NR1H4: variants seen among roughly 807,000 people sequenced by gnomAD.
NR1H4 encodes the protein nuclear receptor subfamily 1 group H member 4, also known as bile acid receptor.
NR1H4 carries 23 observed loss-of-function variants against 58.5 expected under a neutral mutation model. The observed-to-expected ratio is 0.39, with a 90% CI of 0.28 to 0.56. The LOEUF (loss-of-function observed/expected upper bound fraction) is 0.56. Ranked by LOEUF, NR1H4 falls within the 20% of genes least tolerant of loss-of-function variation. NR1H4 has a pLI of 0.58. For synonymous variants in NR1H4, 214 were observed against 198.0 expected, an observed-to-expected ratio of 1.08 and a Z score of -0.68; for missense variants, 487 against 576.9, an observed-to-expected ratio of 0.84 and a Z score of 1.60.
At chr12:100,531,766 A>G (rs1954699089) in intron 4 of NR1H4, among the ~76,000 whole-genome samples, 1 of 151,474 alleles carries the variant, frequency 6.6e-6, no homozygotes, top group South Asian at 2.1e-4. Flanking sequence ...CACTCTAGGC[A>G]TCTTACCTGT....
chr12:100,562,127 C>G (rs1431680635), intron 10 of NR1H4, 129 bp downstream of exon 10: 2 of 621,652 alleles, frequency 3.2e-6, no homozygotes, highest in East Asian at 2.8e-5. Flanking sequence ...ATTCTGCTAT[C>G]CAAATAGAAC....
intron 4 of NR1H4, among the ~76,000 whole-genome samples, chr12:100,521,745 C>G (rs1284568941): frequency 1.3e-5 from 2 of 152,094 alleles, no homozygotes; most frequent in East Asian, 1.9e-4. Flanking sequence ...CCAAAGGATC[C>G]TTTGTTTATG....
intron 1 of NR1H4, among the ~76,000 whole-genome samples, chr12:100,475,166 T>G (rs1180795236): frequency 1.3e-5 from 2 of 152,086 alleles, no homozygotes; most frequent in Non-Finnish European, 2.9e-5. Flanking sequence ...TCTAAATTTT[T>G]TTTTCTGTTC....
intron 9 of NR1H4, among the ~76,000 whole-genome samples, chr12:100,547,285 T>C (rs978796189): frequency 6.6e-6 from 1 of 152,072 alleles, no homozygotes; most frequent in African/African-American, 2.4e-5. Flanking sequence ...ACAGAGATTG[T>C]CACAAGAAAC....
intron 9 of NR1H4, among the ~76,000 whole-genome samples, chr12:100,549,066 C>T (rs1380344220): frequency 6.6e-6 from 1 of 152,104 alleles, no homozygotes; most frequent in Non-Finnish European, 1.5e-5. Context: ...AGGCCGGGCA[C>T]AGTGGCTCAC....
rs577961936 is a variant in NR1H4, at chr12:100,481,101, C to T, written c.-190+7042C>T. 2.6e-5 allele frequency among the ~76,000 whole-genome samples: 4 copies of T among 152,272 alleles called. 1 individual carries two copies. The South Asian group carries it at 8.3e-4, about 32-fold the overall frequency. On this transcript the variant is annotated intron_variant, in intron 1 of 10. Transcript: ENST00000392986. ...TCTGTTGGTCAACGAATTTATTAGA[C>T]CAGCTCAGGTCCAAGGGCTAGCGAA...
At chr12:100,562,922 T>A (rs77009933) in intron 10 of NR1H4, among the ~76,000 whole-genome samples, 3 of 152,204 alleles carry the variant, frequency 2.0e-5, no homozygotes, top group African/African-American at 4.8e-5. Context: ...TCTAAAGTTA[T>A]GTATGGATAT....
chr12:100,480,066 T>C (rs1953347453), intron 1 of NR1H4, among the ~76,000 whole-genome samples: 1 of 152,242 alleles, frequency 6.6e-6, no homozygotes, highest in South Asian at 2.1e-4. Flanking sequence ...CCCTCTAGAA[T>C]GTAAGCTCTT....
intron 1 of NR1H4, among the ~76,000 whole-genome samples, chr12:100,479,544 A>G (rs917480987): frequency 6.6e-6 from 1 of 152,224 alleles, no homozygotes; most frequent in Non-Finnish European, 1.5e-5. Context: ...TCCTATAGCC[A>G]TCCCTGTTGC....
chr12:100,545,641 CAAAAAAAAAAAAAA>C (rs35404680), intron 9 of NR1H4, among the ~76,000 whole-genome samples: 15 of 7,860 alleles, frequency 1.9e-3, no homozygotes, highest in African/African-American at 7.8e-3. Flanking sequence ...GACCTTGTCT[CAAAAAAAAAAAAAA>C]AAAAAAAAAA....
chr12:100,487,947 C>T (rs1953529856), intron 1 of NR1H4, among the ~76,000 whole-genome samples: 2 of 151,822 alleles, frequency 1.3e-5, no homozygotes, highest in South Asian at 2.1e-4. Flanking sequence ...GCTTCCTCTA[C>T]TTCATGTGTT....
chr12:100,559,278 C>T (rs1470306890), intron 9 of NR1H4, among the ~76,000 whole-genome samples: 1 of 152,218 alleles, frequency 6.6e-6, no homozygotes, highest in African/African-American at 2.4e-5. Flanking sequence ...CCCACTTTGG[C>T]AGCACTTGAG....
chr12:100,553,937 G>C (rs1429500418), intron 9 of NR1H4, among the ~76,000 whole-genome samples: 1 of 152,190 alleles, frequency 6.6e-6, no homozygotes, highest in Non-Finnish European at 1.5e-5. Flanking sequence ...TTTCACTGCT[G>C]TCCCTAACTA....
At chr12:100,553,896 G>C (rs1239223883) in intron 9 of NR1H4, among the ~76,000 whole-genome samples, 1 of 152,202 alleles carries the variant, frequency 6.6e-6, no homozygotes, top group African/African-American at 2.4e-5. Flanking sequence ...GAACTTCCCA[G>C]TAGACTCCCC....
chr12:100,518,781 C>T (rs1954332359), intron 4 of NR1H4, among the ~76,000 whole-genome samples: 1 of 150,428 alleles, frequency 6.6e-6, no homozygotes, highest in South Asian at 2.1e-4. Context: ...CTGTTCTTGA[C>T]CAATGACTTT....
At chr12:100,477,965 T>C (rs1486485897) in intron 1 of NR1H4, among the ~76,000 whole-genome samples, 2 of 152,190 alleles carry the variant, frequency 1.3e-5, no homozygotes, top group Non-Finnish European at 2.9e-5. Flanking sequence ...TTACAGAGAA[T>C]TTTTAGGGCA....
chr12:100,487,096 T>TTTTTTAAATTTTAAATTTAAAA (rs1169347740), intron 1 of NR1H4, among the ~76,000 whole-genome samples: 1 of 152,168 alleles, frequency 6.6e-6, no homozygotes, highest in African/African-American at 2.4e-5. Flanking sequence ...TTTTTTAAAT[T>TTTTTTAAATTTTAAATTTAAAA]ACTGCTAATC....
intron 3 of NR1H4, chr12:100,499,810 T>A (rs1466599988): frequency 2.2e-6 from 1 of 455,422 alleles, no homozygotes; most frequent in Admixed American, 2.4e-5. Flanking sequence ...TAGAAATTAA[T>A]GTGTCAGATA....
intron 1 of NR1H4, among the ~76,000 whole-genome samples, chr12:100,474,992 TGATGGATAGGTTTA>T (rs1953235655): frequency 1.3e-5 from 2 of 152,096 alleles, no homozygotes; most frequent in Non-Finnish European, 2.9e-5. Context: ...CTTTTGGAGG[TGATGGATAGGTTTA>T]TGGTATAGAT....
Sources: gnomAD v4.1 joint callset for allele counts (sites outside exome capture counted in the v4.1 genomes callset) on GRCh38, gnomAD v4.1.1 for gene constraint, MANE v1.5 for transcripts, NCBI Gene and HGNC (gene_info 2026-07-23, HGNC 2026-07-21) for gene names.